ANKRD53: variants seen among roughly 807,000 people sequenced by gnomAD.
The protein encoded by ANKRD53 is ankyrin repeat domain-containing protein 53.
Under a neutral mutation model 30.1 loss-of-function variants are expected in ANKRD53, and 27 were observed. That is an observed-to-expected ratio of 0.90 (90% CI 0.66 to 1.24). The LOEUF (loss-of-function observed/expected upper bound fraction) is 1.24, where lower values mean the gene tolerates loss of function less well. ANKRD53 is among the 50% of genes most tolerant of loss of function. ANKRD53 has a pLI of 0.00. For missense variants in ANKRD53, 682 were observed against 721.0 expected, an observed-to-expected ratio of 0.95 and a Z score of 0.62; for synonymous variants, 286 against 295.4, an observed-to-expected ratio of 0.97 and a Z score of 0.33.
Position 70,978,682 on chromosome 2 carries a change from TCCGGAA to T in ANKRD53, c.38_43del (p.Ser13_Ser15delinsCys). The T allele has an allele frequency of 6.5e-7, 1 of 1,543,212 alleles. No homozygotes were observed. On this transcript the variant is annotated inframe_deletion, in exon 1 of 6. Coordinates refer to ENST00000360589, the MANE Select transcript of ANKRD53 (RefSeq NM_001115116.2). The surrounding 1 kb of genome is among the most constrained non-coding windows in gnomAD (Gnocchi z 4.3). ...GGGCAGCACCGCTCGGCGGGCGGGC[TCCGGAA>T]GCTGGCACTCAGAAAGGGGAGAAGG...
intron 3 of ANKRD53, among the ~76,000 whole-genome samples, chr2:70,980,318 CAA>C (rs35991485): frequency 1.8e-4 from 14 of 76,174 alleles, no homozygotes; most frequent in Non-Finnish European, 1.9e-4. Context: ...TCCGTCTCAA[CAA>C]AAAAAAAAAA....
At chr2:70,984,257 T>A in intron 5 of ANKRD53, 1 of 1,614,192 alleles carries the variant, frequency 6.2e-7, no homozygotes, top group Non-Finnish European at 8.5e-7. Flanking sequence ...TCTGTAAGAC[T>A]TGAGGTTTTC....
At chr2:70,984,173 A>G in intron 5 of ANKRD53, 1 of 1,614,198 alleles carries the variant, frequency 6.2e-7, no homozygotes, top group Non-Finnish European at 8.5e-7. Context: ...CCATCACACC[A>G]GAGACTCTCC....
chr2:70,984,975 TC>T lies in ANKRD53; in HGVS notation c.1270del (p.Leu424TrpfsTer3), dbSNP rs1282267683. ...ACTCCGGAGCACGACTTCAGCAGCTTCCTGGAGGTGAGGCCTGATGGGCACG... is the reference window on the plus strand; with the variant it reads ...ACTCCGGAGCACGACTTCAGCAGCTTCTGGAGGTGAGGCCTGATGGGCACG... ...DPTPEHDFSS[F>X]LEVRPDGHGG... On this transcript the variant is annotated frameshift_variant, in exon 6 of 6. Transcript: ENST00000360589. LOFTEE classifies it low-confidence loss of function (END_TRUNC). 2 of 1,550,020 alleles carry T rather than the reference TC, an allele frequency of 1.3e-6. No individual in the cohort carries two copies. Among genetic ancestry groups the T allele is most frequent in the African/African-American group, 2.7e-5 (2 of 73,160 alleles).
chr2:70,982,403 TA>T lies in ANKRD53; in HGVS notation c.783-171del. The T allele has an allele frequency of 2.1e-6, 2 of 939,028 alleles. No individual in the cohort carries two copies. The highest frequency in any genetic ancestry group is 3.1e-6 in the Non-Finnish European group (2 of 643,370). The allele number at this position is 939,028 out of a possible 1,614,324, so 58.2% of individuals were successfully genotyped here. On this transcript the variant is annotated intron_variant, in intron 4 of 5. Coordinates refer to ENST00000360589, the MANE Select transcript of ANKRD53 (RefSeq NM_001115116.2). This position sits in a 1 kb window ranked among gnomAD's most constrained non-coding sequence, Gnocchi z 4.2. ...TCATCAAGGACTTTCGTCTTTCACC[TA>T]AAGGAAGTAGGGAGCCAGAGGGCCC...
rs781899543 is a variant in ANKRD53 at position 70,984,714 on chromosome 2, C to T, written c.1007C>T (p.Thr336Ile). 6.2e-7 allele frequency: 1 copy of T among 1,611,042 alleles called. No individual in the cohort carries two copies. Among genetic ancestry groups the T allele is most frequent in the East Asian group, 2.3e-5 (1 of 44,172 alleles). Reference protein sequence around the residue: ...LVSNTKQARATALSKTPEQRE... With the variant: ...LVSNTKQARAIALSKTPEQRE... ...TCCAATACCAAGCAAGCCCGGGCCA[C>T]CGCCCTCTCCAAGACCCCAGAGCAA... Residue 336 changes from threonine to isoleucine, a missense_variant, in exon 6 of 6, where the codon ACC becomes ATC. Transcript: ENST00000360589.
At chr2:70,979,608 C>T (rs1553423148) in intron 2 of ANKRD53, 53 bp from the exon 3 acceptor site, 2 of 1,537,430 alleles carry the variant, frequency 1.3e-6, no homozygotes, top group African/African-American at 1.4e-5. Flanking sequence ...AAATTGTGGA[C>T]CCTGGGACCT....
rs377050447 is a variant in ANKRD53 at position 70,979,685 on chromosome 2, G to T, written c.442G>T (p.Ala148Ser). Residue 148 changes from alanine to serine, a missense_variant, in exon 3 of 6, where the codon GCC becomes TCC. Ala to Ser is a moderately conservative substitution (Grantham distance 99). Coordinates refer to ENST00000360589, the MANE Select transcript of ANKRD53 (RefSeq NM_001115116.2). Reference sequence around the variant, plus strand: ...GGGCTTCACTGCCATCCACTTCGCCGCCCAATGGGGCAAGCTTGCATGCCT... The same window carrying T: ...GGGCTTCACTGCCATCCACTTCGCCTCCCAATGGGGCAAGCTTGCATGCCT... ...DKGFTAIHFA[A>S]QWGKLACLQV... is the part of the protein sequence containing the mutation. 6.2e-7 allele frequency: 1 copy of T among 1,613,784 alleles called. No individual in the cohort carries two copies. The highest frequency in any genetic ancestry group is 2.2e-5 in the East Asian group (1 of 44,878).
chr2:70,979,529 T>A, intron 2 of ANKRD53, 132 bp from the exon 3 acceptor site: 1 of 1,383,144 alleles, frequency 7.2e-7, no homozygotes, highest in Non-Finnish European at 9.8e-7. Context: ...ACTGGTTAAT[T>A]AGCAAAAGGG....
At chr2:70,984,257 T>C (rs1227412165) in intron 5 of ANKRD53, 1 of 1,614,074 alleles carries the variant, frequency 6.2e-7, no homozygotes, top group Non-Finnish European at 8.5e-7. Flanking sequence ...TCTGTAAGAC[T>C]TGAGGTTTTC....
Position 70,984,603 on chromosome 2 carries a change from T to G in ANKRD53, c.904-8T>G, listed in dbSNP as rs1670114071. 2 of 1,613,278 alleles carry G rather than the reference T, an allele frequency of 1.2e-6. No homozygotes were observed. The highest frequency in any genetic ancestry group is 1.7e-6 in the Non-Finnish European group (2 of 1,179,544). ...TCCATGACTCTCTTGTGCCCTCTGT[T>G]GTTGCAGAAAGAGCACAAAATTCTC... On this transcript the variant is annotated splice_region_variant and splice_polypyrimidine_tract_variant and intron_variant, in intron 5 of 5. Coordinates refer to ENST00000360589, the MANE Select transcript of ANKRD53 (RefSeq NM_001115116.2).
chr2:70,981,373 G>A (rs1460527418), intron 3 of ANKRD53, among the ~76,000 whole-genome samples: 1 of 152,062 alleles, frequency 6.6e-6, no homozygotes, highest in African/African-American at 2.4e-5. Context: ...ATGGTGTAGG[G>A]GGTAAAGCAG....
At position 70,982,315 on chromosome 2, in the gene ANKRD53, G is replaced by A; in HGVS notation, c.782+215G>A. ...GCCCAGGTCCCCTGCTCTCTGGGTTGATCACTGCCCTCCTTTCCTGCCCTG... is the reference window on the plus strand; with the variant it reads ...GCCCAGGTCCCCTGCTCTCTGGGTTAATCACTGCCCTCCTTTCCTGCCCTG... On this transcript the variant is annotated intron_variant, in intron 4 of 5. Coordinates refer to ENST00000360589, the MANE Select transcript of ANKRD53 (RefSeq NM_001115116.2). The surrounding 1 kb of genome is among the most constrained non-coding windows in gnomAD (Gnocchi z 4.2). 1.4e-6 allele frequency: 1 copy of A among 733,912 alleles called. No individual in the cohort carries two copies. Among genetic ancestry groups the A allele is most frequent in the African/African-American group, 1.8e-5 (1 of 56,256 alleles). 45.5% of individuals were successfully genotyped at this position (733,912 alleles called of 1,614,324 possible).
chr2:70,981,962 T>G lies in ANKRD53; in HGVS notation c.644T>G (p.Leu215Arg), dbSNP rs782335315. The part of the protein sequence containing the change: ...NAQTCNGSTP[L>R]HLAARDGLLD... ...CAGACATGCAACGGCTCCACGCCCCTGCACCTGGCAGCCCGTGACGGCTTG... is the reference window on the plus strand; with the variant it reads ...CAGACATGCAACGGCTCCACGCCCCGGCACCTGGCAGCCCGTGACGGCTTG... Residue 215 changes from leucine to arginine, a missense_variant, in exon 4 of 6, where the codon CTG becomes CGG. Leu to Arg is a moderately radical substitution (Grantham distance 102). Coordinates refer to ENST00000360589, the MANE Select transcript of ANKRD53 (RefSeq NM_001115116.2). 6 of 1,607,422 alleles carry G rather than the reference T, an allele frequency of 3.7e-6. 1 individual carries two copies. The South Asian group carries it at 5.6e-5, about 15-fold the overall frequency.
In ANKRD53 at chr2:70,982,719, C is replaced by A; in HGVS notation, c.903+22C>A. On this transcript the variant is annotated intron_variant, in intron 5 of 5. Coordinates refer to ENST00000360589, the MANE Select transcript of ANKRD53 (RefSeq NM_001115116.2). The surrounding 1 kb of genome is among the most constrained non-coding windows in gnomAD (Gnocchi z 4.2). ...TCAAGTAAGGGGGACAGCAGGGGGG[C>A]CAGGGGACAGCTGCTATCCAGGCAT... 2 of 1,611,542 alleles carry A rather than the reference C, an allele frequency of 1.2e-6. No homozygotes were observed. The highest frequency in any genetic ancestry group is 2.2e-5 in the East Asian group (1 of 44,816).
chr2:70,983,474 G>C (rs782506742), intron 5 of ANKRD53, among the ~76,000 whole-genome samples: 9 of 152,190 alleles, frequency 5.9e-5, no homozygotes, highest in Admixed American at 1.3e-4. Flanking sequence ...TAATTACATA[G>C]GGTGCAAAAC....
rs375507901 is a variant in ANKRD53, at chr2:70,979,148, C to T, written c.222C>T (p.Leu74=). The T allele has an allele frequency of 3.7e-6, 6 of 1,609,608 alleles. No homozygotes were observed. The highest frequency in any genetic ancestry group is 1.1e-5 in the South Asian group (1 of 90,976). ...ACCTCAGTGCGCAGGCGACTGCCCTCGCCAGGCCGCGCCGCCCTGCCTCGC... is the reference window on the plus strand; with the variant it reads ...ACCTCAGTGCGCAGGCGACTGCCCTTGCCAGGCCGCGCCGCCCTGCCTCGC... The part of the protein sequence containing the change: ...ADHLSAQATA[L]ARPRRPASLT... Residue 74 remains leucine (L), a synonymous_variant, in exon 2 of 6, where the codon CTC becomes CTT. Transcript: ENST00000360589.
At chr2:70,979,546 C>T in intron 2 of ANKRD53, 115 bp from the exon 3 acceptor site, 1 of 1,397,768 alleles carries the variant, frequency 7.2e-7, no homozygotes, top group South Asian at 1.4e-5. Flanking sequence ...AGGGTGTGAG[C>T]ATTCCTGGGG....
upstream of ANKRD53, chr2:70,978,577 C>T (rs1553422754): frequency 2.1e-6 from 3 of 1,414,758 alleles, no homozygotes; most frequent in Admixed American, 1.0e-4. This position sits in a 1 kb window ranked among gnomAD's most constrained non-coding sequence, Gnocchi z 4.3. Context: ...AAGGAGTGGC[C>T]CCCGGGGGCG....
Sources: gnomAD v4.1 joint callset for allele counts (sites outside exome capture counted in the v4.1 genomes callset) on GRCh38, gnomAD v4.1.1 for gene constraint, Gnocchi (gnomAD v3.1) non-coding constraint, MANE v1.5 for transcripts, NCBI Gene and HGNC (gene_info 2026-07-23, HGNC 2026-07-21) for gene names.